The following RBFOX1 variants were observed in gnomAD, a reference collection of about 807,000 sequenced individuals.
RBFOX1 encodes the protein RNA binding protein fox-1 homolog 1.
In RBFOX1, 8 loss-of-function variants were observed where a neutral mutation model predicts 57.7. That is an observed-to-expected ratio of 0.14 (90% CI 0.08 to 0.25). RBFOX1 has a LOEUF of 0.25. RBFOX1 is among the 10% of genes least tolerant of loss of function. The pLI, the probability that RBFOX1 is intolerant of heterozygous loss-of-function variation, is 1.00. For synonymous variants in RBFOX1, 326 were observed against 222.4 expected (o/e 1.47, Z -4.15); for missense variants, 611 against 548.5 (o/e 1.11, Z -1.14).
intron 4 of RBFOX1, among the ~76,000 whole-genome samples, chr16:7,285,469 C>T (rs920769860): frequency 1.3e-5 from 2 of 151,712 alleles, no homozygotes; most frequent in African/African-American, 2.4e-5. Context: ...TCTGTGCATC[C>T]AACACCACAG....
chr16:6,825,907 T>A (rs1416637843), intron 3 of RBFOX1, among the ~76,000 whole-genome samples: 1 of 152,172 alleles, frequency 6.6e-6, no homozygotes, highest in East Asian at 1.9e-4. Context: ...TTAGGAATCG[T>A]GTGACTTTAA....
At chr16:5,940,521 C>T (rs565856215) in intron 4 of RBFOX1, among the ~76,000 whole-genome samples, 2 of 152,274 alleles carry the variant, frequency 1.3e-5, no homozygotes, top group South Asian at 4.2e-4. Context: ...TATTAAGATC[C>T]TCACAGGGAG....
At chr16:7,710,355 T>C in intron 15 of RBFOX1, 1 of 1,288,690 alleles carries the variant, frequency 7.8e-7, no homozygotes, top group Non-Finnish European at 9.8e-7. Flanking sequence ...TGAAAATCCT[T>C]CCATTGTCCA....
chr16:6,711,720 G>C (rs1293124855), intron 3 of RBFOX1, among the ~76,000 whole-genome samples: 2 of 152,146 alleles, frequency 1.3e-5, no homozygotes, highest in Admixed American at 1.3e-4. Flanking sequence ...AGCAGTATGA[G>C]AATGGACCGA....
chr16:5,762,300 A>G (rs1345652454), intron 3 of RBFOX1, among the ~76,000 whole-genome samples: 1 of 152,094 alleles, frequency 6.6e-6, no homozygotes, highest in Non-Finnish European at 1.5e-5. Context: ...AGGATTTAAA[A>G]GTGAAATAAG....
chr16:6,849,698 A>T (rs184921818), intron 3 of RBFOX1, among the ~76,000 whole-genome samples: 10 of 152,184 alleles, frequency 6.6e-5, no homozygotes, highest in Admixed American at 5.9e-4. Flanking sequence ...AAACAAAAAA[A>T]ACTGAAAAGT....
Position 5,737,679 on chromosome 16 carries a change from G to A in RBFOX1, c.319-129624G>A, listed in dbSNP as rs551316761. On this transcript the variant is annotated intron_variant, in intron 3 of 19. Transcript: ENST00000641259. Reference sequence around the variant, plus strand: ...TGGGGTCTTCCTTTGCACTGTCTCCGTACCTAAACAACCCCTTCTACAGAG... The same window carrying A: ...TGGGGTCTTCCTTTGCACTGTCTCCATACCTAAACAACCCCTTCTACAGAG... Among the ~76,000 whole-genome samples the A allele has an allele frequency of 5.3e-5, 8 of 151,960 alleles. No homozygotes were observed. In the South Asian group the frequency reaches 8.3e-4, roughly 16 times the overall value.
intron 3 of RBFOX1, among the ~76,000 whole-genome samples, chr16:6,907,800 C>G (rs535157283): frequency 6.8e-6 from 1 of 146,912 alleles, no homozygotes; most frequent in African/African-American, 2.4e-5. Flanking sequence ...TCTCAAACTC[C>G]TGACCTCAGG....
intron 13 of RBFOX1, among the ~76,000 whole-genome samples, chr16:7,675,924 GCT>G (rs1283634506): frequency 1.3e-5 from 2 of 152,142 alleles, no homozygotes; most frequent in South Asian, 2.1e-4. Context: ...TGAGCAAGAA[GCT>G]CTGTTATATT....
chr16:5,379,933 G>C lies in RBFOX1; in HGVS notation c.220-87283G>C, dbSNP rs189765893. 2.8e-3 allele frequency among the ~76,000 whole-genome samples: 424 copies of C among 152,288 alleles called. 3 individuals are homozygous for C. Among genetic ancestry groups the C allele is most frequent in the African/African-American group, 9.0e-3 (375 of 41,548 alleles). On this transcript the variant is annotated intron_variant, in intron 1 of 2. Coordinates refer to the RBFOX1 transcript ENST00000585867. ...CTTGGCCCCCTTGCTGGAGAGAAGC[G>C]CTTGGGGCGTTGGAGGAATCATCCC...
chr16:6,136,463 G>T (rs1444884473), intron 1 of RBFOX1, among the ~76,000 whole-genome samples: 1 of 152,170 alleles, frequency 6.6e-6, no homozygotes, highest in African/African-American at 2.4e-5. Flanking sequence ...GAGAATTGCG[G>T]TGATAAGGGC....
At position 7,117,511 on chromosome 16, in the gene RBFOX1, C is replaced by G. The variant is rs892208371; in HGVS notation, c.27+65413C>G. ...TTTAGGAAAATATCTATTAACTTAC[C>G]ACCAATTACTTAATGTGTGAGTTTA... is the stretch of plus-strand genomic sequence containing the variant. On this transcript the variant is annotated intron_variant, in intron 4 of 15. Coordinates refer to ENST00000550418, the MANE Select transcript of RBFOX1 (RefSeq NM_018723.4). 2.6e-5 allele frequency among the ~76,000 whole-genome samples: 4 copies of G among 151,962 alleles called. No individual in the cohort carries two copies. In the South Asian group the frequency reaches 8.3e-4, roughly 32 times the overall value.
chr16:7,325,627 C>A (rs1445317788), intron 4 of RBFOX1, among the ~76,000 whole-genome samples: 1 of 152,138 alleles, frequency 6.6e-6, no homozygotes, highest in Admixed American at 6.5e-5. Context: ...TAGTCCTCCA[C>A]TGAGATTTCC....
intron 2 of RBFOX1, among the ~76,000 whole-genome samples, chr16:6,569,245 C>T (rs888708732): frequency 3.3e-5 from 5 of 152,182 alleles, no homozygotes; most frequent in African/African-American, 1.2e-4. Flanking sequence ...TAAGAAATTA[C>T]TCCCAAAGTT....
At chr16:5,540,947 T>A (rs2044919507) in intron 2 of RBFOX1, among the ~76,000 whole-genome samples, 1 of 152,138 alleles carries the variant, frequency 6.6e-6, no homozygotes, top group African/African-American at 2.4e-5. Context: ...CCTCCCTGGT[T>A]CATGTGATTG....
chr16:7,215,230 T>G (rs969846658), intron 4 of RBFOX1, among the ~76,000 whole-genome samples: 1 of 152,178 alleles, frequency 6.6e-6, no homozygotes, highest in Non-Finnish European at 1.5e-5. Flanking sequence ...CAAGTGTAAA[T>G]TAGTTCAACC....
intron 3 of RBFOX1, among the ~76,000 whole-genome samples, chr16:6,803,658 T>C (rs1401467098): frequency 2.6e-5 from 4 of 152,222 alleles, no homozygotes; most frequent in African/African-American, 4.8e-5. Flanking sequence ...TCACCATTAA[T>C]AATTTCTCCC....
chr16:5,904,901 C>T (rs57984874), intron 4 of RBFOX1, among the ~76,000 whole-genome samples: 4 of 147,168 alleles, frequency 2.7e-5, no homozygotes, highest in Admixed American at 6.8e-5. Context: ...GGCGTGAACC[C>T]GGGAGGCGGA....
At chr16:7,078,059 C>T (rs182945277) in intron 4 of RBFOX1, among the ~76,000 whole-genome samples, 1 of 152,314 alleles carries the variant, frequency 6.6e-6, no homozygotes, top group Admixed American at 6.5e-5. Context: ...TGAGATTTTC[C>T]TGCCTTTGCC....
Sources: gnomAD v4.1 joint callset for allele counts (sites outside exome capture counted in the v4.1 genomes callset) on GRCh38, gnomAD v4.1.1 for gene constraint, MANE v1.5 for transcripts, NCBI Gene and HGNC (gene_info 2026-07-23, HGNC 2026-07-21) for gene names.